Variants in FA2H observed in about 807,000 individuals in gnomAD.
The protein encoded by FA2H is fatty acid 2-hydroxylase.
A neutral mutation model predicts 44.9 loss-of-function variants in FA2H; 22 were observed. That is an observed-to-expected ratio of 0.49 (90% confidence interval 0.35 to 0.70). The LOEUF (loss-of-function observed/expected upper bound fraction) is 0.70. Ranked by LOEUF, FA2H falls within the 30% of genes least tolerant of loss-of-function variation. FA2H has a pLI of 0.01. For synonymous variants in FA2H, 243 were observed against 213.2 expected (o/e 1.14, Z -1.22); for missense variants, 501 against 504.9 (o/e 0.99, Z 0.07).
In FA2H at chr16:74,727,585, C is replaced by A. The variant is rs115913481; in HGVS notation, c.364-199G>T. Among the ~76,000 whole-genome samples the A allele has an allele frequency of 2.4e-3, 367 of 152,310 alleles. 1 individual carries two copies. The highest frequency in any genetic ancestry group is 8.6e-3 in the African/African-American group (357 of 41,576). On this transcript the variant is annotated intron_variant, in intron 2 of 6. Transcript: ENST00000219368. Reference sequence around the variant, plus strand: ...AGCCCCCAGCCACAGCAATAGGATCCGGTAAAGGTTTGCGACCTAAGCTGG... The same window carrying A: ...AGCCCCCAGCCACAGCAATAGGATCAGGTAAAGGTTTGCGACCTAAGCTGG...
intron 1 of FA2H, among the ~76,000 whole-genome samples, chr16:74,762,936 G>A (rs9924091): frequency 0.082 from 12,420 of 152,204 alleles, 795 homozygotes; most frequent in East Asian, 0.33. Context: ...CCAACCAGCA[G>A]AAGTCATTAT....
In FA2H at chr16:74,716,429, G is replaced by C. The variant is rs1293252892; in HGVS notation, c.957C>G (p.His319Gln). Reference protein sequence around the residue: ...VLYDMTHYYLHFGSPHKGSYL... With the variant: ...VLYDMTHYYLQFGSPHKGSYL... ...AGGAGCCCTTGTGCGGCGAGCCAAA[G>C]TGCAGGTAGTAATGGGTCATGTCAT... is the stretch of plus-strand genomic sequence containing the variant. Residue 319 changes from histidine (H) to glutamine (Q), a missense_variant, in exon 6 of 7, where the codon CAC becomes CAG. Transcript: ENST00000219368. 1.2e-6 allele frequency: 2 copies of C among 1,613,974 alleles called. No homozygotes were observed. The highest frequency in any genetic ancestry group is 2.7e-5 in the African/African-American group (2 of 74,908).
Position 74,716,573 on chromosome 16 carries a change from G to A in FA2H, c.813C>T (p.Val271=). The change falls in exon 6 of 7, where the codon GTC becomes GTT. Residue 271 remains valine, a synonymous_variant. Transcript: ENST00000219368. ...HKAPFDGSRL[V]FPPVPASLVI... ...CCAGGGAGGCTGGCACAGGGGGGAA[G>A]ACCAGGCGGGAGCCGTCGAAGGGTG... 1 of 1,587,338 alleles carries A rather than the reference G, an allele frequency of 6.3e-7. No individual in the cohort carries two copies. The highest frequency in any genetic ancestry group is 8.6e-7 in the Non-Finnish European group (1 of 1,167,300).
chr16:74,744,792 C>T (rs894905286), intron 1 of FA2H, among the ~76,000 whole-genome samples: 1 of 152,104 alleles, frequency 6.6e-6, no homozygotes, highest in African/African-American at 2.4e-5. Context: ...TGCTATGTTG[C>T]CCAGGCTGGT....
At chr16:74,760,029 C>T (rs1962678426) in intron 1 of FA2H, among the ~76,000 whole-genome samples, 1 of 152,196 alleles carries the variant, frequency 6.6e-6, no homozygotes, top group African/African-American at 2.4e-5. Context: ...CTTTCCTGAC[C>T]TAGCAACTCC....
chr16:74,727,665 G>A (rs561154256), intron 2 of FA2H, among the ~76,000 whole-genome samples: 1 of 152,208 alleles, frequency 6.6e-6, no homozygotes, highest in Non-Finnish European at 1.5e-5. Context: ...AATCGGCAGG[G>A]CATGAGCCTG....
At chr16:74,745,912 T>G (rs1378555285) in intron 1 of FA2H, among the ~76,000 whole-genome samples, 2 of 151,206 alleles carry the variant, frequency 1.3e-5, no homozygotes, top group Admixed American at 6.6e-5. Flanking sequence ...TTCAAGCAAT[T>G]CTCCTGCCTC....
intron 2 of FA2H, among the ~76,000 whole-genome samples, chr16:74,732,368 A>G (rs1597550816): frequency 6.6e-6 from 1 of 152,266 alleles, no homozygotes; most frequent in East Asian, 1.9e-4. Flanking sequence ...GGCAAATTTT[A>G]ATCTATTGAT....
At chr16:74,718,702 TGAATGAATGAAC>T (rs1365712321) in intron 5 of FA2H, among the ~76,000 whole-genome samples, 4 of 152,220 alleles carry the variant, frequency 2.6e-5, no homozygotes, top group African/African-American at 9.6e-5. Context: ...GGGCATTTGC[TGAATGAATGAAC>T]GAATGAATGA....
chr16:74,765,995 G>A (rs1207638357), intron 1 of FA2H, among the ~76,000 whole-genome samples: 2 of 152,152 alleles, frequency 1.3e-5, no homozygotes, highest in South Asian at 2.1e-4. Flanking sequence ...GAGCCACAGT[G>A]GAAATATGTT....
At chr16:74,718,147 C>A (rs895916523) in intron 5 of FA2H, among the ~76,000 whole-genome samples, 1 of 152,200 alleles carries the variant, frequency 6.6e-6, no homozygotes, top group East Asian at 1.9e-4. Flanking sequence ...AACCCCGAAT[C>A]GGCTCATCGA....
rs1962591078 is a variant in FA2H, at chr16:74,755,147, G to A, written c.271-15032C>T. Among the ~76,000 whole-genome samples, 3 of 128,332 alleles carry A rather than the reference G, an allele frequency of 2.3e-5. No individual in the cohort carries two copies. In the South Asian group the frequency reaches 7.6e-4, roughly 32 times the overall value. The allele number at this position is 128,332 out of a possible 152,430, so 84.2% of individuals were successfully genotyped here. ...CTGTCCAGCCTCTAGAAGTGTGAGA[G>A]AATACATTTGTGTTTTTTTTTTTGG... On this transcript the variant is annotated intron_variant, in intron 1 of 6. Coordinates refer to ENST00000219368, the MANE Select transcript of FA2H (RefSeq NM_024306.5).
intron 5 of FA2H, among the ~76,000 whole-genome samples, 159 bp downstream of exon 5, chr16:74,718,829 G>A (rs1432892854): frequency 6.6e-6 from 1 of 152,194 alleles, no homozygotes; most frequent in Non-Finnish European, 1.5e-5. Context: ...AGGTTCGGAT[G>A]CCCAACCCAG....
intron 2 of FA2H, among the ~76,000 whole-genome samples, chr16:74,737,348 G>A (rs1175586811): frequency 1.3e-5 from 2 of 152,134 alleles, no homozygotes; most frequent in South Asian, 2.1e-4. Flanking sequence ...CTGGCTTCTT[G>A]TCCCATAAGG....
intron 1 of FA2H, among the ~76,000 whole-genome samples, chr16:74,773,913 A>G (rs1962955445): frequency 6.6e-6 from 1 of 152,212 alleles, no homozygotes; most frequent in Admixed American, 6.5e-5. Context: ...ATATAAGGGA[A>G]GGTCTGAGAG....
intron 4 of FA2H, among the ~76,000 whole-genome samples, chr16:74,722,237 C>A (rs1272057022): frequency 6.6e-6 from 1 of 152,074 alleles, no homozygotes; most frequent in Non-Finnish European, 1.5e-5. Flanking sequence ...CATCAAGGCT[C>A]CTAAAAAGTC....
chr16:74,754,895 C>T (rs1190350337), intron 1 of FA2H, among the ~76,000 whole-genome samples: 1 of 152,032 alleles, frequency 6.6e-6, no homozygotes, highest in Non-Finnish European at 1.5e-5. Context: ...GTTCTAACTT[C>T]AGTATGACTA....
intron 1 of FA2H, among the ~76,000 whole-genome samples, chr16:74,752,244 C>G (rs1008442499): frequency 2.6e-5 from 4 of 152,306 alleles, no homozygotes; most frequent in Middle Eastern, 3.4e-3. Flanking sequence ...AATCTGCCCT[C>G]CACATGGCAG....
intron 2 of FA2H, among the ~76,000 whole-genome samples, chr16:74,736,631 G>C (rs1194115833): frequency 2.6e-5 from 4 of 152,212 alleles, no homozygotes; most frequent in African/African-American, 9.7e-5. Context: ...TGTCCCTTGA[G>C]GGAAGAGGCT....
Sources: allele counts gnomAD v4.1 joint callset (sites outside exome capture counted in the v4.1 genomes callset), GRCh38; gene constraint gnomAD v4.1.1; transcripts MANE v1.5; gene names NCBI Gene and HGNC (gene_info 2026-07-23, HGNC 2026-07-21).